Variants in LSAMP observed in about 807,000 individuals in gnomAD.
LSAMP encodes the protein limbic system-associated membrane protein.
In LSAMP, 7 loss-of-function variants were observed where a neutral mutation model predicts 38.6. The observed-to-expected ratio is 0.18, with a 90% confidence interval of 0.10 to 0.34. The LOEUF is 0.34. Ranked by LOEUF, LSAMP falls within the 10% of genes least tolerant of loss-of-function variation. LSAMP has a pLI of 1.00. For synonymous variants in LSAMP, 154 were observed against 166.8 expected (o/e 0.92, Z 0.59); for missense variants, 313 against 420.0 (o/e 0.75, Z 2.23).
rs1429290271 is a variant in LSAMP, at chr3:116,438,228, AT to A, written c.155+6648del. 3.3e-5 allele frequency among the ~76,000 whole-genome samples: 5 copies of A among 152,246 alleles called. No individual in the cohort carries two copies. In the East Asian group the frequency reaches 9.7e-4, roughly 29 times the overall value. On this transcript the variant is annotated intron_variant, in intron 1 of 6. Transcript: ENST00000490035. ...AAGAATAAAAGGCTTGTTTTCTTAC[AT>A]TTTTAAAATTTTCTAAAAGTTATAT...
chr3:116,095,297 A>C (rs970405554), intron 1 of LSAMP, among the ~76,000 whole-genome samples: 12 of 152,238 alleles, frequency 7.9e-5, no homozygotes, highest in Admixed American at 7.9e-4. Flanking sequence ...CAAGCTGCGC[A>C]ATTTCTGGAG....
intron 1 of LSAMP, among the ~76,000 whole-genome samples, chr3:116,090,174 C>T (rs1296978365): frequency 1.1e-4 from 16 of 145,652 alleles, no homozygotes; most frequent in African/African-American, 4.1e-4. Flanking sequence ...ATGATCACAT[C>T]ACTGCACTCC....
chr3:116,335,105 T>A (rs1162764644), intron 1 of LSAMP, among the ~76,000 whole-genome samples: 1 of 151,902 alleles, frequency 6.6e-6, no homozygotes, highest in Non-Finnish European at 1.5e-5. Flanking sequence ...ACACAGGAAA[T>A]TACAAAACCA....
At chr3:115,903,475 C>A (rs1166728487) in intron 3 of LSAMP, among the ~76,000 whole-genome samples, 1 of 151,878 alleles carries the variant, frequency 6.6e-6, no homozygotes, top group Non-Finnish European at 1.5e-5. Context: ...TGTACATGTA[C>A]CCTTGAATTT....
intron 1 of LSAMP, among the ~76,000 whole-genome samples, chr3:116,400,286 T>C (rs563051429): frequency 6.6e-6 from 1 of 152,204 alleles, no homozygotes; most frequent in Admixed American, 6.5e-5. Flanking sequence ...ATCCAAAAAG[T>C]CATGTGCCTT....
chr3:116,069,229 CT>C (rs1707538571), intron 2 of LSAMP, among the ~76,000 whole-genome samples: 1 of 152,238 alleles, frequency 6.6e-6, no homozygotes, highest in African/African-American at 2.4e-5. Flanking sequence ...TTTCAGCTCA[CT>C]GGCCAGGCCC....
intron 2 of LSAMP, among the ~76,000 whole-genome samples, chr3:116,024,494 G>C (rs781059491): frequency 1.3e-5 from 2 of 152,160 alleles, no homozygotes; most frequent in Non-Finnish European, 2.9e-5. Flanking sequence ...AGGCAGAGGA[G>C]TGTCTGTATA....
intron 1 of LSAMP, among the ~76,000 whole-genome samples, chr3:116,157,196 C>T (rs1709772801): frequency 6.6e-6 from 1 of 151,992 alleles, no homozygotes; most frequent in Admixed American, 6.6e-5. Context: ...TGTGATTGTA[C>T]AGACATAATT....
intron 3 of LSAMP, among the ~76,000 whole-genome samples, chr3:115,859,027 G>A (rs560869263): frequency 4.6e-5 from 7 of 152,174 alleles, no homozygotes; most frequent in Non-Finnish European, 7.3e-5. Context: ...AAGGAAGAGA[G>A]AAAGAAACAC....
intron 3 of LSAMP, among the ~76,000 whole-genome samples, chr3:115,883,621 A>G (rs1936377884): frequency 6.6e-6 from 1 of 152,058 alleles, no homozygotes; most frequent in Non-Finnish European, 1.5e-5. Context: ...TCAAGTTGTA[A>G]CTGATTGGGT....
chr3:116,301,848 C>T (rs75745022), intron 1 of LSAMP, among the ~76,000 whole-genome samples: 14,524 of 152,180 alleles, frequency 0.095, 818 homozygotes, highest in Middle Eastern at 0.16. Flanking sequence ...TCTATCATGA[C>T]AGAACTGGCA....
chr3:116,366,660 T>C (rs2048358347), intron 1 of LSAMP, among the ~76,000 whole-genome samples: 1 of 152,162 alleles, frequency 6.6e-6, no homozygotes, highest in South Asian at 2.1e-4. Flanking sequence ...TAATGCATTT[T>C]TATTCATTTA....
At chr3:116,008,822 G>C (rs1198022493) in intron 3 of LSAMP, among the ~76,000 whole-genome samples, 1 of 152,174 alleles carries the variant, frequency 6.6e-6, no homozygotes. Flanking sequence ...AAGGACAGCA[G>C]CTTTCTCCAC....
chr3:116,222,916 T>G (rs13064391), intron 1 of LSAMP, among the ~76,000 whole-genome samples: 74,721 of 149,806 alleles, frequency 0.5, 20,857 homozygotes, highest in East Asian at 0.75. Flanking sequence ...TTTTTTGTAT[T>G]TTTAGTAGAG....
At chr3:116,397,498 T>C (rs1164767648) in intron 1 of LSAMP, among the ~76,000 whole-genome samples, 1 of 151,750 alleles carries the variant, frequency 6.6e-6, no homozygotes, top group African/African-American at 2.4e-5. Context: ...TATTTACTTA[T>C]TTATTTATAT....
At chr3:115,845,947 A>G (rs1410404575) in intron 4 of LSAMP, among the ~76,000 whole-genome samples, 1 of 152,218 alleles carries the variant, frequency 6.6e-6, no homozygotes, top group Admixed American at 6.5e-5. Flanking sequence ...TTCTTGTACC[A>G]GGGTAAATAT....
At chr3:116,181,999 C>T (rs1214516430) in intron 1 of LSAMP, among the ~76,000 whole-genome samples, 3 of 151,850 alleles carry the variant, frequency 2.0e-5, no homozygotes, top group Admixed American at 2.0e-4. Flanking sequence ...AACTTAAAGA[C>T]AAAAAGACAC....
intron 1 of LSAMP, among the ~76,000 whole-genome samples, chr3:116,126,973 A>G (rs1709022592): frequency 6.6e-6 from 1 of 152,194 alleles, no homozygotes. Flanking sequence ...TTTTGCTCTG[A>G]AAATCTTTAA....
intron 3 of LSAMP, among the ~76,000 whole-genome samples, chr3:115,953,860 C>T (rs1422268379): frequency 6.6e-6 from 1 of 152,116 alleles, no homozygotes; most frequent in African/African-American, 2.4e-5. Flanking sequence ...TAGTCTTGAT[C>T]CCTGTGCCTG....
Sources: gnomAD v4.1 joint callset for allele counts (sites outside exome capture counted in the v4.1 genomes callset) on GRCh38, gnomAD v4.1.1 for gene constraint, MANE v1.5 for transcripts, NCBI Gene and HGNC (gene_info 2026-07-23, HGNC 2026-07-21) for gene names.